The following ATP9B variants were observed in gnomAD, a reference collection of about 807,000 sequenced individuals.
The protein encoded by ATP9B is probable phospholipid-transporting ATPase IIB.
ATP9B carries 110 observed loss-of-function variants against 146.1 expected under a neutral mutation model. The ratio of observed to expected loss-of-function variants is 0.75; its 90% CI spans 0.65 to 0.88. ATP9B has a LOEUF of 0.88. Among genes scored for constraint, ATP9B ranks in the 40% least tolerant of loss-of-function variants. The pLI is 0.00. For missense variants in ATP9B, 1,499 were observed against 1,496.4 expected, an observed-to-expected ratio of 1.00 and a Z score of -0.03; for synonymous variants, 604 against 569.7, an observed-to-expected ratio of 1.06 and a Z score of -0.86.
chr18:79,321,116 A>G (rs2096713297), intron 15 of ATP9B, among the ~76,000 whole-genome samples: 1 of 152,214 alleles, frequency 6.6e-6, no homozygotes, highest in Non-Finnish European at 1.5e-5. Flanking sequence ...TACCAAGAGA[A>G]TTCGCTAGGC....
chr18:79,181,189 C>T (rs1013664402), intron 8 of ATP9B, among the ~76,000 whole-genome samples: 4 of 152,186 alleles, frequency 2.6e-5, no homozygotes, highest in Non-Finnish European at 4.4e-5. Context: ...CATCTGATGG[C>T]ATCCATAGTC....
chr18:79,078,968 A>G (rs888858934), intron 1 of ATP9B, among the ~76,000 whole-genome samples: 3 of 152,152 alleles, frequency 2.0e-5, no homozygotes, highest in South Asian at 2.1e-4. Flanking sequence ...AGCTTCGTCC[A>G]TGTCCACGCA....
intron 9 of ATP9B, among the ~76,000 whole-genome samples, chr18:79,197,528 G>T (rs1174209415): frequency 6.6e-6 from 1 of 152,066 alleles, no homozygotes; most frequent in East Asian, 1.9e-4. Context: ...GGTAATAAAA[G>T]GAGGTAAGTT....
intron 4 of ATP9B, chr18:79,117,058 C>T (rs896784513): frequency 6.6e-6 from 1 of 151,014 alleles, no homozygotes; most frequent in Admixed American, 6.6e-5. Flanking sequence ...ATCCTGTGTA[C>T]TTGTTGGAAT....
At chr18:79,107,371 G>C (rs2075721241) in intron 2 of ATP9B, among the ~76,000 whole-genome samples, 1 of 152,176 alleles carries the variant, frequency 6.6e-6, no homozygotes, top group Non-Finnish European at 1.5e-5. Flanking sequence ...TAATTGAAAT[G>C]AAAGTTGCCA....
chr18:79,329,216 AC>A lies in ATP9B; in HGVS notation c.1854del (p.Ser619ValfsTer38). On this transcript the variant is annotated frameshift_variant, in exon 16 of 30. Coordinates refer to ENST00000426216, the MANE Select transcript of ATP9B (RefSeq NM_198531.5). LOFTEE classifies it high-confidence loss of function. Reference protein sequence around the residue: ...SRDLTSMQLKTPSGQVLSFCI... With the variant: ...SRDLTSMQLKXPSGQVLSFCI... Reference sequence around the variant, plus strand: ...GGACCTCACCTCCATGCAGCTGAAGACCCCCAGTGGCCAGGTCCTCAGCTTC... The same window carrying A: ...GGACCTCACCTCCATGCAGCTGAAGACCCCAGTGGCCAGGTCCTCAGCTTC... The A allele has an allele frequency of 5.0e-6, 8 of 1,612,302 alleles. No homozygotes were observed. Among genetic ancestry groups the A allele is most frequent in the Non-Finnish European group, 6.8e-6 (8 of 1,179,766 alleles).
At chr18:79,216,010 T>C (rs551512732) in intron 11 of ATP9B, among the ~76,000 whole-genome samples, 1 of 152,344 alleles carries the variant, frequency 6.6e-6, no homozygotes, top group East Asian at 1.9e-4. Context: ...AACATTCTAA[T>C]GTATGTACAG....
At chr18:79,191,383 T>A (rs936540996) in intron 8 of ATP9B, among the ~76,000 whole-genome samples, 1 of 152,210 alleles carries the variant, frequency 6.6e-6, no homozygotes, top group Non-Finnish European at 1.5e-5. Flanking sequence ...TGGCATATTT[T>A]TAGTCATTAT....
In ATP9B at chr18:79,344,349, C is replaced by T; in HGVS notation, c.2467C>T (p.Leu823=). Reference sequence around the variant, plus strand: ...TGCACTAGTCATATCTGGGGACTCTCTGGAGGTAAGGCTGGACCCTGAGTG... The same window carrying T: ...TGCACTAGTCATATCTGGGGACTCTTTGGAGGTAAGGCTGGACCCTGAGTG... ...DCALVISGDS[L]EVCLKYYEHE... The change falls in exon 21 of 30, where the codon CTG becomes TTG. Residue 823 remains leucine (L), a synonymous_variant. Transcript: ENST00000426216. 1 of 1,614,110 alleles carries T rather than the reference C, an allele frequency of 6.2e-7. No homozygotes were observed. Among genetic ancestry groups the T allele is most frequent in the South Asian group, 1.1e-5 (1 of 91,068 alleles).
intron 26 of ATP9B, chr18:79,360,989 C>T (rs1401538772): frequency 1.3e-5 from 2 of 152,204 alleles, no homozygotes; most frequent in Non-Finnish European, 2.9e-5. Context: ...TTCCCAGAGA[C>T]TCTAAAAATG....
intron 5 of ATP9B, among the ~76,000 whole-genome samples, chr18:79,129,851 CT>C (rs2094348650): frequency 6.6e-6 from 1 of 151,970 alleles, no homozygotes; most frequent in Non-Finnish European, 1.5e-5. Flanking sequence ...TCAAGTGATT[CT>C]TTTGCCTCAG....
intron 7 of ATP9B, among the ~76,000 whole-genome samples, chr18:79,173,892 T>A (rs574339556): frequency 6.6e-6 from 1 of 152,186 alleles, no homozygotes; most frequent in Non-Finnish European, 1.5e-5. Context: ...AAGAAAGTCT[T>A]CATGGGACAA....
chr18:79,172,011 C>T (rs1030174710), intron 7 of ATP9B, among the ~76,000 whole-genome samples: 2 of 152,160 alleles, frequency 1.3e-5, no homozygotes, highest in African/African-American at 4.8e-5. Flanking sequence ...GCCTCAGCCT[C>T]CTGAGTAGCT....
chr18:79,083,183 C>T (rs894886277), intron 1 of ATP9B, among the ~76,000 whole-genome samples: 1 of 152,202 alleles, frequency 6.6e-6, no homozygotes, highest in Non-Finnish European at 1.5e-5. Context: ...GGTCAGACTT[C>T]CCAGCGGCTT....
chr18:79,365,172 A>G (rs1036647012), intron 26 of ATP9B, among the ~76,000 whole-genome samples: 40 of 152,250 alleles, frequency 2.6e-4, no homozygotes, highest in Non-Finnish European at 1.8e-4. Context: ...CAACAAGAGA[A>G]CAACCCAGTT....
At chr18:79,274,819 A>C (rs1052150564) in intron 12 of ATP9B, among the ~76,000 whole-genome samples, 2 of 152,216 alleles carry the variant, frequency 1.3e-5, no homozygotes, top group Non-Finnish European at 2.9e-5. Context: ...CTTGTATTCA[A>C]CTTACCATAT....
intron 11 of ATP9B, among the ~76,000 whole-genome samples, chr18:79,245,582 G>C (rs1175115901): frequency 6.1e-5 from 9 of 146,360 alleles, no homozygotes; most frequent in Non-Finnish European, 1.4e-4. Context: ...TGTGCGGAGG[G>C]CACCGCCCTA....
chr18:79,117,170 G>C (rs999528172), intron 4 of ATP9B: 7 of 152,086 alleles, frequency 4.6e-5, no homozygotes, highest in Admixed American at 1.3e-4. Flanking sequence ...AATATGTATA[G>C]AAGGAAATCC....
chr18:79,360,328 T>C (rs2096980411), intron 26 of ATP9B: 1 of 152,208 alleles, frequency 6.6e-6, no homozygotes, highest in Admixed American at 6.5e-5. Context: ...TCAACTCAGA[T>C]TTTTAAAGCA....
Sources: gnomAD v4.1 joint callset for allele counts (sites outside exome capture counted in the v4.1 genomes callset) on GRCh38, gnomAD v4.1.1 for gene constraint, MANE v1.5 for transcripts, NCBI Gene and HGNC (gene_info 2026-07-23, HGNC 2026-07-21) for gene names.